The following TRPM8 variants were observed in gnomAD, a reference collection of about 807,000 sequenced individuals.
TRPM8 encodes the protein transient receptor potential cation channel subfamily M member 8.
TRPM8 carries 110 observed loss-of-function variants against 133.7 expected under a neutral mutation model. That is an observed-to-expected ratio of 0.82 (90% confidence interval 0.70 to 0.96). TRPM8 has a LOEUF of 0.96. Among genes scored for constraint, TRPM8 ranks in the 40% least tolerant of loss-of-function variants. The pLI is 0.00. For synonymous variants in TRPM8, 535 were observed against 532.3 expected, an observed-to-expected ratio of 1.01 and a Z score of -0.07; for missense variants, 1,291 against 1,379.5, an observed-to-expected ratio of 0.94 and a Z score of 1.02.
chr2:233,950,524 G>C, intron 9 of TRPM8, among the ~76,000 whole-genome samples: 1 of 152,190 alleles, frequency 6.6e-6, no homozygotes, highest in East Asian at 1.9e-4. Flanking sequence ...GAAAGAGGTG[G>C]CTTGAGGTGC....
At chr2:233,955,064 A>G (rs1235089549) in intron 10 of TRPM8, 68 bp from the exon 11 acceptor site, 3 of 1,163,558 alleles carry the variant, frequency 2.6e-6, no homozygotes, top group Non-Finnish European at 3.8e-6. Flanking sequence ...ATAATTGGCC[A>G]CACTGAATGG....
intron 25 of TRPM8, among the ~76,000 whole-genome samples, chr2:234,016,787 T>C (rs1490491771): frequency 1.3e-5 from 2 of 152,210 alleles, no homozygotes; most frequent in Non-Finnish European, 2.9e-5. Flanking sequence ...CCCTGAAGAC[T>C]ATGGGAATAG....
At chr2:233,940,048 G>GTT (rs34052230) in intron 5 of TRPM8, among the ~76,000 whole-genome samples, 2,766 of 138,048 alleles carry the variant, frequency 0.02, 86 homozygotes, top group East Asian at 0.15. Flanking sequence ...ATTTAGCTTT[G>GTT]TTTTTTTTTT....
intron 20 of TRPM8, among the ~76,000 whole-genome samples, chr2:233,984,418 C>A (rs1692091080): frequency 6.6e-6 from 1 of 152,146 alleles, no homozygotes; most frequent in Admixed American, 6.5e-5. Flanking sequence ...CCAAACTTCC[C>A]CCGATGCCCT....
chr2:233,939,849 C>G (rs1690861712), intron 5 of TRPM8, among the ~76,000 whole-genome samples: 1 of 152,172 alleles, frequency 6.6e-6, no homozygotes, highest in Admixed American at 6.5e-5. Context: ...ATCCTTAACC[C>G]CCTAAGCACA....
intron 2 of TRPM8, among the ~76,000 whole-genome samples, chr2:233,927,781 TCTTTCTTTCTTTTCTTTCCTTC>T (rs1691565453): frequency 5.8e-5 from 3 of 52,126 alleles, no homozygotes; most frequent in African/African-American, 3.0e-4. Context: ...TTTCTTTCTT[TCTTTCTTTCTTTTCTTTCCTTC>T]CTTCCTTCCT....
chr2:233,951,474 C>G (rs1437945789), intron 9 of TRPM8, among the ~76,000 whole-genome samples: 1 of 152,132 alleles, frequency 6.6e-6, no homozygotes, highest in African/African-American at 2.4e-5. Flanking sequence ...TCCTCTTACT[C>G]CTTGTACAAG....
At position 233,956,542 on chromosome 2, in the gene TRPM8, G is replaced by A. The variant is rs925647750; in HGVS notation, c.1362+1292G>A. 1.1e-4 allele frequency among the ~76,000 whole-genome samples: 16 copies of A among 152,108 alleles called. No homozygotes were observed. The East Asian group carries it at 3.1e-3, about 29-fold the overall frequency. On this transcript the variant is annotated intron_variant, in intron 11 of 25. Transcript: ENST00000324695. ...CCAAGTTAATTTCAGTCATTAGGGG[G>A]CCGTGATAATATATGTAATTTTATA...
chr2:233,985,611 C>A, intron 20 of TRPM8, 77 bp from the exon 21 acceptor site: 1 of 1,394,976 alleles, frequency 7.2e-7, no homozygotes, highest in South Asian at 1.2e-5. Context: ...CTGACATGTT[C>A]TTGTGGCCCT....
chr2:233,953,451 A>C (rs1691218716), intron 9 of TRPM8, among the ~76,000 whole-genome samples: 1 of 152,258 alleles, frequency 6.6e-6, no homozygotes, highest in Non-Finnish European at 1.5e-5. Flanking sequence ...AAAATAACAA[A>C]GGACAATATA....
Position 233,950,096 on chromosome 2 carries a change from C to T in TRPM8, c.1090C>T (p.Arg364Cys), listed in dbSNP as rs372873712. 2.2e-5 allele frequency: 35 copies of T among 1,613,600 alleles called. No homozygotes were observed. The highest frequency in any genetic ancestry group is 6.7e-5 in the African/African-American group (5 of 74,920). ...VKEKLVRFLP[R>C]TVSRLPEEET... ...GGAGAAGCTGGTGCGCTTTTTACCC[C>T]GCACGGTGTCCCGGCTGCCTGAGGA... The change falls in exon 9 of 26, where the codon CGC becomes TGC. Residue 364 changes from arginine (R) to cysteine (C), a missense_variant. Physicochemically the swap from Arg to Cys is radical, Grantham distance 180. Coordinates refer to ENST00000324695, the MANE Select transcript of TRPM8 (RefSeq NM_024080.5).
chr2:233,969,884 A>G, intron 16 of TRPM8, 77 bp downstream of exon 16: 1 of 933,408 alleles, frequency 1.1e-6, no homozygotes, highest in Non-Finnish European at 1.7e-6. Flanking sequence ...GTGTGCTCTC[A>G]TGTAAATGAT....
chr2:233,926,396 G>A (rs1691516173), intron 1 of TRPM8, 137 bp from the exon 2 acceptor site: 2 of 685,822 alleles, frequency 2.9e-6, no homozygotes, highest in Non-Finnish European at 5.2e-6. Context: ...AATGACCATG[G>A]TGGGCCGAAT....
chr2:233,994,180 G>A (rs929101575), intron 21 of TRPM8, among the ~76,000 whole-genome samples: 4 of 152,128 alleles, frequency 2.6e-5, no homozygotes, highest in Admixed American at 6.5e-5. Flanking sequence ...TTCCCTAATC[G>A]GGGGCTGCTG....
At chr2:233,993,021 T>C (rs1189084030) in intron 21 of TRPM8, among the ~76,000 whole-genome samples, 2 of 152,158 alleles carry the variant, frequency 1.3e-5, no homozygotes, top group Non-Finnish European at 2.9e-5. Flanking sequence ...TTTGGCTGAG[T>C]CCTGGACTGA....
intron 6 of TRPM8, among the ~76,000 whole-genome samples, chr2:233,944,928 A>T (rs1209714936): frequency 6.6e-6 from 1 of 152,166 alleles, no homozygotes. Context: ...TATAAACGAG[A>T]AAAGTGAGGC....
chr2:234,007,190 G>C (rs1299807201), intron 23 of TRPM8, among the ~76,000 whole-genome samples: 1 of 152,226 alleles, frequency 6.6e-6, no homozygotes, highest in African/African-American at 2.4e-5. Context: ...CCCTGGGAGA[G>C]AGAGAGGTAT....
chr2:233,936,990 G>T (rs954819055), intron 3 of TRPM8, among the ~76,000 whole-genome samples: 1 of 147,792 alleles, frequency 6.8e-6, no homozygotes, highest in African/African-American at 2.6e-5. Flanking sequence ...TCCACCTCCT[G>T]GGTTCAGGCC....
chr2:233,991,975 G>C (rs1692290429), intron 21 of TRPM8, among the ~76,000 whole-genome samples: 1 of 152,162 alleles, frequency 6.6e-6, no homozygotes, highest in Admixed American at 6.5e-5. Flanking sequence ...CTATTGAGAA[G>C]AAATGCTATG....
Sources: allele counts gnomAD v4.1 joint callset (sites outside exome capture counted in the v4.1 genomes callset), GRCh38; gene constraint gnomAD v4.1.1; transcripts MANE v1.5; gene names NCBI Gene and HGNC (gene_info 2026-07-23, HGNC 2026-07-21).